Variants in ABCC10 observed in about 807,000 individuals in gnomAD.
The protein encoded by ABCC10 is ATP binding cassette subfamily C member 10.
A neutral mutation model predicts 143.2 loss-of-function variants in ABCC10; 110 were observed. The ratio of observed to expected loss-of-function variants is 0.77; its 90% CI spans 0.66 to 0.90. The LOEUF is 0.90. Ranked by LOEUF, ABCC10 falls within the 40% of genes least tolerant of loss-of-function variation. The pLI is 0.00. For synonymous variants in ABCC10, 805 were observed against 846.7 expected, an observed-to-expected ratio of 0.95 and a Z score of 0.85; for missense variants, 1,700 against 1,900.5, an observed-to-expected ratio of 0.89 and a Z score of 1.96.
At chr6:43,449,569 C>T (rs754736463) in intron 21 of ABCC10, 35 bp downstream of exon 21, 4 of 1,566,650 alleles carry the variant, frequency 2.6e-6, no homozygotes, top group Non-Finnish European at 3.5e-6. Flanking sequence ...TAATCAGGGA[C>T]TGTGGTAGCA....
intron 15 of ABCC10, 127 bp downstream of exon 15, chr6:43,446,069 A>C (rs1783039148): frequency 8.3e-7 from 1 of 1,211,586 alleles, no homozygotes; most frequent in Non-Finnish European, 1.1e-6. Flanking sequence ...GGAAGGAGGA[A>C]AGCAACAGAA....
Position 43,446,412 on chromosome 6 carries a change from T to G in ABCC10, c.3510T>G (p.Ala1170=). Residue 1170 remains alanine (A), a synonymous_variant, in exon 16 of 22, where the codon GCT becomes GCG. Transcript: ENST00000372530. ...AAVVSAIAGI[A]LVQHQQGLAN... is the part of the protein sequence containing the mutation. ...TGGTCAGCGCTATCGCAGGCATCGCTCTGGTGCAGCACCAGCAGGGCCTCG... is the reference window on the plus strand; with the variant it reads ...TGGTCAGCGCTATCGCAGGCATCGCGCTGGTGCAGCACCAGCAGGGCCTCG... 6.2e-7 allele frequency: 1 copy of G among 1,612,302 alleles called. No individual in the cohort carries two copies. Among genetic ancestry groups the G allele is most frequent in the Non-Finnish European group, 8.5e-7 (1 of 1,179,800 alleles).
At chr6:43,451,234 C>G, downstream of ABCC10, 1 of 1,614,132 alleles carries the variant, frequency 6.2e-7, no homozygotes, top group Non-Finnish European at 8.5e-7. This position sits in a 1 kb window ranked among gnomAD's most constrained non-coding sequence, Gnocchi z 4.4. Flanking sequence ...AGAGCAAAGC[C>G]CTGGTCGTCC....
downstream of ABCC10, chr6:43,450,440 C>T: frequency 3.7e-6 from 5 of 1,365,444 alleles, no homozygotes; most frequent in East Asian, 4.8e-5. The surrounding 1 kb of genome is among the most constrained non-coding windows in gnomAD (Gnocchi z 4.5). Flanking sequence ...CTGAGGTCTC[C>T]TCTGTGTGTG....
chr6:43,435,978 A>G (rs1781660254), intron 5 of ABCC10, 71 bp downstream of exon 5: 15 of 1,605,514 alleles, frequency 9.3e-6, no homozygotes, highest in African/African-American at 1.3e-5. Context: ...GGTGCTGCGC[A>G]TAGATGTCAC....
intron 6 of ABCC10, 32 bp downstream of exon 6, chr6:43,436,279 C>T (rs752442216): frequency 6.2e-7 from 1 of 1,605,148 alleles, no homozygotes; most frequent in Non-Finnish European, 8.5e-7. Context: ...GGAGAGTCCT[C>T]AGACTAACGA....
In ABCC10 at chr6:43,445,728, C is replaced by G. The variant is rs1461971913; in HGVS notation, c.3160C>G (p.Leu1054Val). 2 of 1,614,164 alleles carry G rather than the reference C, an allele frequency of 1.2e-6. No homozygotes were observed. The highest frequency in any genetic ancestry group is 1.7e-6 in the Non-Finnish European group (2 of 1,180,020). ...CCTCCTGGCCAACGCGGCAGGCCTGCTGGGGCTCCTGGCCGTGCTGGGCTC... is the reference window on the plus strand; with the variant it reads ...CCTCCTGGCCAACGCGGCAGGCCTGGTGGGGCTCCTGGCCGTGCTGGGCTC... Reference protein sequence around the residue: ...NILLANAAGLLGLLAVLGSGL... With the variant: ...NILLANAAGLVGLLAVLGSGL... Residue 1054 changes from leucine (L) to valine (V), a missense_variant, in exon 15 of 22, where the codon CTG becomes GTG. Leu to Val is a conservative substitution (Grantham distance 32). Coordinates refer to ENST00000372530, the MANE Select transcript of ABCC10 (RefSeq NM_001198934.2).
chr6:43,435,817 A>G lies in ABCC10; in HGVS notation c.1675A>G (p.Asn559Asp), dbSNP rs1386075700. ...LPLNNFPWVI[N>D]GLLEAKVSLD... ...TCTCAACAACTTCCCTTGGGTGATCAATGGTCTCCTGGAGGCCAAAGTGTC... is the reference window on the plus strand; with the variant it reads ...TCTCAACAACTTCCCTTGGGTGATCGATGGTCTCCTGGAGGCCAAAGTGTC... The change falls in exon 5 of 22, where the codon AAT (asparagine) becomes GAT (aspartate). Residue 559 changes from asparagine (N) to aspartate (D), a missense_variant. Transcript: ENST00000372530. The G allele has an allele frequency of 5.0e-6, 8 of 1,614,050 alleles. No homozygotes were observed. The highest frequency in any genetic ancestry group is 6.8e-6 in the Non-Finnish European group (8 of 1,180,028).
intron 1 of ABCC10, 47 bp downstream of exon 1, chr6:43,427,804 T>A: frequency 1.4e-6 from 1 of 739,592 alleles, no homozygotes; most frequent in Non-Finnish European, 2.3e-6. Context: ...CTCCTCCCGT[T>A]TTTACCCTTG....
chr6:43,434,897 G>A (rs747012159), intron 4 of ABCC10, 49 bp downstream of exon 4: 4 of 1,581,100 alleles, frequency 2.5e-6, no homozygotes, highest in African/African-American at 2.7e-5. Context: ...CTTCAGCGAA[G>A]TGAAGACAGA....
At chr6:43,440,300 G>C (rs1232594245) in intron 8 of ABCC10, among the ~76,000 whole-genome samples, 1 of 152,150 alleles carries the variant, frequency 6.6e-6, no homozygotes, top group Non-Finnish European at 1.5e-5. Flanking sequence ...TACCTCTAAG[G>C]CTTCTTGTGG....
downstream of ABCC10, chr6:43,451,202 C>G (rs775882196): frequency 6.2e-7 from 1 of 1,614,192 alleles, no homozygotes; most frequent in Non-Finnish European, 8.5e-7. The surrounding 1 kb of genome is among the most constrained non-coding windows in gnomAD (Gnocchi z 4.4). Flanking sequence ...CAAAGCCCAC[C>G]AAGCAGCGGC....
intron 11 of ABCC10, 67 bp downstream of exon 11, chr6:43,444,077 C>T (rs529771988): frequency 1.1e-4 from 181 of 1,606,916 alleles, no homozygotes; most frequent in South Asian, 9.8e-4. Flanking sequence ...TTTTCTACAA[C>T]GGCTGCCCGC....
At chr6:43,436,374 T>G in intron 6 of ABCC10, 127 bp downstream of exon 6, 2 of 1,201,246 alleles carry the variant, frequency 1.7e-6, no homozygotes, top group South Asian at 2.9e-5. Flanking sequence ...GCAGGAGGGA[T>G]AGGCATTTGG....
At position 43,445,222 on chromosome 6, in the gene ABCC10, C is replaced by T. The variant is rs2127407269; in HGVS notation, c.2938C>T (p.Leu980Phe). The T allele has an allele frequency of 6.2e-7, 1 of 1,614,074 alleles. No individual in the cohort carries two copies. Among genetic ancestry groups the T allele is most frequent in the Middle Eastern group, 1.6e-4 (1 of 6,062 alleles). The change falls in exon 14 of 22, where the codon CTC becomes TTC. Residue 980 changes from leucine (L) to phenylalanine (F), a missense_variant. Leu to Phe is a conservative substitution (Grantham distance 22, BLOSUM62 0). Transcript: ENST00000372530. ...VYATIAGVNS[L>F]CTLLRAVLFA... The stretch of plus-strand genomic sequence containing the variant: ...TGCGACCATTGCTGGTGTAAATTCC[C>T]TCTGCACCCTTCTCCGGGCAGTGCT...
chr6:43,440,631 AGGT>A (rs1393553039), intron 8 of ABCC10, among the ~76,000 whole-genome samples: 1 of 151,980 alleles, frequency 6.6e-6, no homozygotes, highest in African/African-American at 2.4e-5. Flanking sequence ...TGGAAGTCCA[AGGT>A]GGGCAGATCA....
intron 21 of ABCC10, 135 bp from the exon 22 acceptor site, chr6:43,449,794 C>T: frequency 8.9e-7 from 1 of 1,124,706 alleles, no homozygotes; most frequent in Non-Finnish European, 1.3e-6. Context: ...GTCCCTTCCC[C>T]AGCACCAAGC....
rs758635295 is a variant in ABCC10, at chr6:43,432,477, C to T, written c.497C>T (p.Pro166Leu). The stretch of plus-strand genomic sequence containing the variant: ...GGCACACTTCTGCCCCCACTTCTCC[C>T]AGGGCCCATGGCCCGCCTATGCTTG... The part of the protein sequence containing the change: ...QRGTLLPPLL[P>L]GPMARLCLLI... The change falls in exon 3 of 22, where the codon CCA becomes CTA. Residue 166 changes from proline (P) to leucine (L), a missense_variant. Pro to Leu is a moderately conservative substitution (Grantham distance 98). Coordinates refer to ENST00000372530, the MANE Select transcript of ABCC10 (RefSeq NM_001198934.2). The T allele has an allele frequency of 1.2e-6, 2 of 1,611,978 alleles. No individual in the cohort carries two copies. The highest frequency in any genetic ancestry group is 1.1e-5 in the South Asian group (1 of 91,090).
Position 43,449,186 on chromosome 6 carries a change from T to C in ABCC10, c.4185T>C (p.Ala1395=). Residue 1395 remains alanine (A), a synonymous_variant, in exon 20 of 22, where the codon GCT becomes GCC. Coordinates refer to ENST00000372530, the MANE Select transcript of ABCC10 (RefSeq NM_001198934.2). The part of the protein sequence containing the change: ...GQRQLLCLAR[A]LLTDAKILCI... ...GGCAGCTGTTGTGTTTGGCCAGGGC[T>C]CTCCTCACAGATGCCAAGGTAAGGT... is the stretch of plus-strand genomic sequence containing the variant. 1 of 1,613,652 alleles carries C rather than the reference T, an allele frequency of 6.2e-7. No homozygotes were observed. The highest frequency in any genetic ancestry group is 1.7e-5 in the Admixed American group (1 of 59,980).
Sources: allele counts gnomAD v4.1 joint callset (sites outside exome capture counted in the v4.1 genomes callset), GRCh38; gene constraint gnomAD v4.1.1; non-coding constraint Gnocchi (gnomAD v3.1); transcripts MANE v1.5; gene names NCBI Gene and HGNC (gene_info 2026-07-23, HGNC 2026-07-21).